The following FSD2 variants were observed in gnomAD, a reference collection of about 807,000 sequenced individuals.
The protein encoded by FSD2 is fibronectin type III and SPRY domain-containing protein 2.
A neutral mutation model predicts 80.4 loss-of-function variants in FSD2; 71 were observed. The ratio of observed to expected loss-of-function variants is 0.88; its 90% CI spans 0.73 to 1.08. FSD2 has a LOEUF of 1.08. FSD2 is among the 50% of genes least tolerant of loss of function. The pLI is 0.00. For missense variants in FSD2, 923 were observed against 913.8 expected (o/e 1.01, Z -0.13); for synonymous variants, 361 against 329.5 (o/e 1.10, Z -1.03).
Position 82,786,806 on chromosome 15 carries a change from A to T in FSD2, c.585T>A (p.Asp195Glu). The T allele has an allele frequency of 6.2e-7, 1 of 1,614,014 alleles. No homozygotes were observed. Among genetic ancestry groups the T allele is most frequent in the Non-Finnish European group, 8.5e-7 (1 of 1,179,886 alleles). The stretch of plus-strand genomic sequence containing the variant: ...GGATCACTTCATGCTCCTTATGTTC[A>T]TCAAAAACCTTCTGAAAAGCTCTTA... ...TPIRAFQKVF[D>E]EHKEHEVIPL... is the part of the protein sequence containing the mutation. Residue 195 changes from aspartate to glutamate, a missense_variant, in exon 2 of 13, where the codon GAT (aspartate) becomes GAA (glutamate). Transcript: ENST00000334574.
intron 6 of FSD2, 63 bp downstream of exon 6, chr15:82,778,703 A>G: frequency 6.6e-7 from 1 of 1,518,758 alleles, no homozygotes; most frequent in Non-Finnish European, 8.8e-7. Context: ...TGTTCTCATC[A>G]CAAGAAAGAA....
At chr15:82,760,723 A>G (rs8039001) in intron 12 of FSD2, among the ~76,000 whole-genome samples, 128,046 of 152,058 alleles carry the variant, frequency 0.84, 54,441 homozygotes, top group African/African-American at 0.96. Context: ...ACGTGTGTGC[A>G]CGTGTGTGCG....
chr15:82,802,254 T>C (rs1003951322), intron 1 of FSD2, among the ~76,000 whole-genome samples: 1 of 152,154 alleles, frequency 6.6e-6, no homozygotes, highest in Non-Finnish European at 1.5e-5. Context: ...TCCCCCTCCA[T>C]ACATACCAGA....
chr15:82,764,492 C>CTTTTTTTTTTTTTTTTTTTTTTTTTTT lies in FSD2; in HGVS notation c.1820+673_1820+674insAAAAAAAAAAAAAAAAAAAAAAAAAAA, dbSNP rs60095355. ...CTCTTGTTGCTTCATTCTTTACTTG[C>CTTTTTTTTTTTTTTTTTTTTTTTTTTT]TTTTTTTTTTTTTTTTTTTTGAGAA... On this transcript the variant is annotated intron_variant, in intron 11 of 12. Coordinates refer to ENST00000334574, the MANE Select transcript of FSD2 (RefSeq NM_001007122.4). Among the ~76,000 whole-genome samples the CTTTTTTTTTTTTTTTTTTTTTTTTTTT allele has an allele frequency of 1.3e-3, 111 of 86,138 alleles. 23 individuals are homozygous for CTTTTTTTTTTTTTTTTTTTTTTTTTTT. Among genetic ancestry groups the CTTTTTTTTTTTTTTTTTTTTTTTTTTT allele is most frequent in the Non-Finnish European group, 1.5e-3 (69 of 45,420 alleles). 56.5% of individuals were successfully genotyped at this position (86,138 alleles called of 152,430 possible). A position where few individuals can be genotyped will look rare whatever the true frequency, so the allele number is the denominator to read the frequency against.
At chr15:82,804,157 A>G (rs2050476805) in intron 1 of FSD2, among the ~76,000 whole-genome samples, 2 of 152,024 alleles carry the variant, frequency 1.3e-5, no homozygotes, top group African/African-American at 4.8e-5. Flanking sequence ...GGAATCATCC[A>G]TGGCTACTGT....
chr15:82,784,527 G>A (rs372211703), intron 3 of FSD2, among the ~76,000 whole-genome samples: 37 of 152,214 alleles, frequency 2.4e-4, no homozygotes, highest in African/African-American at 3.4e-4. Context: ...AATTACAGGC[G>A]TCAGCCACTG....
In FSD2 at chr15:82,757,118, A is replaced by T. The variant is rs80259167; in HGVS notation, c.*2230T>A. ...TATGCTGAATAATTGTGATGCTTGA[A>T]GTTGCTAATCTGCTTTAAGTGGATT... On this transcript the variant is annotated 3_prime_UTR_variant, in exon 13 of 13. Coordinates refer to ENST00000334574, the MANE Select transcript of FSD2 (RefSeq NM_001007122.4). 2 of 152,212 alleles carry T rather than the reference A, an allele frequency of 1.3e-5. No homozygotes were observed. The highest frequency in any genetic ancestry group is 4.8e-5 in the African/African-American group (2 of 41,448). 9.4% of individuals were successfully genotyped at this position (152,212 alleles called of 1,614,324 possible). A position where few individuals can be genotyped will look rare whatever the true frequency, so the allele number is the denominator to read the frequency against.
At chr15:82,792,654 G>T (rs1316140171) in intron 1 of FSD2, among the ~76,000 whole-genome samples, 1 of 152,054 alleles carries the variant, frequency 6.6e-6, no homozygotes, top group Non-Finnish European at 1.5e-5. Context: ...TTTTGTTGTT[G>T]TTGCTGCTTG....
intron 11 of FSD2, among the ~76,000 whole-genome samples, chr15:82,764,541 C>CTAGAGTGTAG (rs2151488635): frequency 7.8e-6 from 1 of 127,722 alleles, no homozygotes; most frequent in Admixed American, 9.5e-5. Flanking sequence ...GTTGCCCAGG[C>CTAGAGTGTAG]TAGAGTGTAG....
chr15:82,769,432 A>T (rs1460466922), intron 8 of FSD2, among the ~76,000 whole-genome samples: 2 of 150,754 alleles, frequency 1.3e-5, no homozygotes, highest in African/African-American at 4.9e-5. Context: ...AAAAAAAATC[A>T]GATGTGGTGG....
chr15:82,777,077 A>T (rs1230149692), intron 6 of FSD2, among the ~76,000 whole-genome samples: 1 of 152,250 alleles, frequency 6.6e-6, no homozygotes, highest in African/African-American at 2.4e-5. Flanking sequence ...CTCAAAATAG[A>T]TTATTAAAGA....
Position 82,758,788 on chromosome 15 carries a change from T to G in FSD2, c.*560A>C. On this transcript the variant is annotated 3_prime_UTR_variant, in exon 13 of 13. Coordinates refer to ENST00000334574, the MANE Select transcript of FSD2 (RefSeq NM_001007122.4). ...CAAAATTAGAGAGTGGTGCATACTG[T>G]GTAGGAGTGGAACAGGGAATACCCT... is the stretch of plus-strand genomic sequence containing the variant. 1 of 154,312 alleles carries G rather than the reference T, an allele frequency of 6.5e-6. No homozygotes were observed. The highest frequency in any genetic ancestry group is 1.4e-5 in the Non-Finnish European group (1 of 69,484). 9.6% of individuals were successfully genotyped at this position (154,312 alleles called of 1,614,324 possible).
chr15:82,757,123 C>T lies in FSD2; in HGVS notation c.*2225G>A, dbSNP rs553774440. 3.2e-4 allele frequency: 48 copies of T among 152,296 alleles called. 1 individual carries two copies. In the East Asian group the frequency reaches 6.7e-3, roughly 21 times the overall value. 9.4% of individuals were successfully genotyped at this position (152,296 alleles called of 1,614,324 possible). On this transcript the variant is annotated 3_prime_UTR_variant, in exon 13 of 13. Transcript: ENST00000334574. ...TGAATAATTGTGATGCTTGAAGTTG[C>T]TAATCTGCTTTAAGTGGATTTTAAA...
chr15:82,776,919 A>G (rs2049726157), intron 6 of FSD2, among the ~76,000 whole-genome samples: 1 of 152,234 alleles, frequency 6.6e-6, no homozygotes, highest in Non-Finnish European at 1.5e-5. Flanking sequence ...GAGCCCAGTA[A>G]TAAACCCATC....
intron 12 of FSD2, among the ~76,000 whole-genome samples, chr15:82,761,857 A>G (rs2049303143): frequency 6.6e-6 from 1 of 151,974 alleles, no homozygotes; most frequent in Non-Finnish European, 1.5e-5. Context: ...TGAGAAGTAA[A>G]TGAGATAATG....
chr15:82,784,980 C>T (rs2049960650), intron 3 of FSD2, among the ~76,000 whole-genome samples: 1 of 152,168 alleles, frequency 6.6e-6, no homozygotes, highest in Admixed American at 6.6e-5. Flanking sequence ...TAGATATCAG[C>T]TGAGGAAAAG....
rs765490463 is a variant in FSD2, at chr15:82,759,208, T to C, written c.*140A>G. On this transcript the variant is annotated 3_prime_UTR_variant, in exon 13 of 13. Coordinates refer to ENST00000334574, the MANE Select transcript of FSD2 (RefSeq NM_001007122.4). ...AATCCAGGTTGGGTGAAATGAGCGC[T>C]AGCACACCAGTCAGATAATAGCATG... The C allele has an allele frequency of 2.2e-6, 2 of 920,666 alleles. No individual in the cohort carries two copies. The highest frequency in any genetic ancestry group is 3.2e-6 in the Non-Finnish European group (2 of 627,422). The allele number at this position is 920,666 out of a possible 1,614,324, so 57.0% of individuals were successfully genotyped here.
intron 1 of FSD2, among the ~76,000 whole-genome samples, chr15:82,802,751 T>C (rs541680382): frequency 5.3e-5 from 8 of 152,288 alleles, no homozygotes; most frequent in African/African-American, 1.9e-4. Context: ...CCAGGTCTCC[T>C]GGTTGCTGCC....
At position 82,781,933 on chromosome 15, in the gene FSD2, G is replaced by A. The variant is rs745440816; in HGVS notation, c.966+862C>T. ...ACAAAAATTAGCTGGGCGTGGTGGCGGGTGCCTGTAATCCCAGCTACTCAG... is the reference window on the plus strand; with the variant it reads ...ACAAAAATTAGCTGGGCGTGGTGGCAGGTGCCTGTAATCCCAGCTACTCAG... On this transcript the variant is annotated intron_variant, in intron 4 of 12. Coordinates refer to ENST00000334574, the MANE Select transcript of FSD2 (RefSeq NM_001007122.4). 1.3e-3 allele frequency among the ~76,000 whole-genome samples: 196 copies of A among 151,292 alleles called. 1 individual carries two copies. The highest frequency in any genetic ancestry group is 2.4e-3 in the Non-Finnish European group (164 of 67,820).
Sources: gnomAD v4.1 joint callset for allele counts (sites outside exome capture counted in the v4.1 genomes callset) on GRCh38, gnomAD v4.1.1 for gene constraint, MANE v1.5 for transcripts, NCBI Gene and HGNC (gene_info 2026-07-23, HGNC 2026-07-21) for gene names.